The following WDSUB1 variants were observed in gnomAD, a reference collection of about 807,000 sequenced individuals.
The protein encoded by WDSUB1 is WD repeat, sterile alpha motif and U-box domain containing 1.
Under a neutral mutation model 53.9 loss-of-function variants are expected in WDSUB1, and 49 were observed. The ratio of observed to expected loss-of-function variants is 0.91; its 90% CI spans 0.72 to 1.15. The LOEUF is 1.15. WDSUB1 is among the 50% of genes most tolerant of loss of function. The pLI is 0.00. For synonymous variants in WDSUB1, 194 were observed against 200.6 expected (o/e 0.97, Z 0.28); for missense variants, 514 against 562.0 (o/e 0.91, Z 0.86).
At chr2:159,257,387 C>CTT (rs11324351) in intron 8 of WDSUB1, among the ~76,000 whole-genome samples, 11,234 of 139,662 alleles carry the variant, frequency 0.08, 1,019 homozygotes, top group African/African-American at 0.21. Context: ...GATTTACTAA[C>CTT]TTTTTTTTTT....
At chr2:159,266,349 C>G (rs1048647470) in intron 5 of WDSUB1, among the ~76,000 whole-genome samples, 8 of 152,204 alleles carry the variant, frequency 5.3e-5, no homozygotes, top group Admixed American at 3.9e-4. Context: ...CCACAACGCC[C>G]GGCTAATTTT....
At chr2:159,245,249 G>A (rs543930080) in intron 10 of WDSUB1, among the ~76,000 whole-genome samples, 5 of 152,188 alleles carry the variant, frequency 3.3e-5, no homozygotes, top group African/African-American at 4.8e-5. Context: ...TAAAGCAGCC[G>A]GACACCGTGG....
Position 159,236,204 on chromosome 2 carries a change from AT to A in WDSUB1, c.1274-15del. 6.3e-7 allele frequency: 1 copy of A among 1,579,062 alleles called. No homozygotes were observed. Among genetic ancestry groups the A allele is most frequent in the Non-Finnish European group, 8.6e-7 (1 of 1,161,394 alleles). ...ATGAATAGCCATCTAAAAAAAAAAA[AT>A]CACACAAATTACATGATGTAGGAAA... On this transcript the variant is annotated splice_polypyrimidine_tract_variant and intron_variant, in intron 10 of 10. Coordinates refer to ENST00000359774, the MANE Select transcript of WDSUB1 (RefSeq NM_001128212.3).
intron 9 of WDSUB1, among the ~76,000 whole-genome samples, chr2:159,250,401 C>CAAAAAGAATTTTATAA (rs2060925274): frequency 1.3e-5 from 2 of 152,246 alleles, no homozygotes; most frequent in East Asian, 3.9e-4. Context: ...TAAAAAGATT[C>CAAAAAGAATTTTATAA]CCTCAAATTC....
At chr2:159,258,007 T>C (rs1267833182) in intron 6 of WDSUB1, 22 bp from the exon 7 acceptor site, 1 of 1,609,364 alleles carries the variant, frequency 6.2e-7, no homozygotes, top group African/African-American at 1.3e-5. Context: ...TAAAAACAGC[T>C]TTAAATTTAC....
At chr2:159,276,906 G>A (rs7574710) in intron 3 of WDSUB1, among the ~76,000 whole-genome samples, 53,504 of 152,020 alleles carry the variant, frequency 0.35, 12,406 homozygotes, top group Non-Finnish European at 0.54. Context: ...TTAGGAGGCC[G>A]AGGCAGGGGA....
At chr2:159,260,659 T>A (rs1159882890) in intron 5 of WDSUB1, among the ~76,000 whole-genome samples, 1 of 152,224 alleles carries the variant, frequency 6.6e-6, no homozygotes, top group Admixed American at 6.5e-5. Context: ...AGCAGACATC[T>A]GGGGTTATGC....
At chr2:159,256,044 C>T in intron 9 of WDSUB1, 152 bp downstream of exon 9, 2 of 646,032 alleles carry the variant, frequency 3.1e-6, no homozygotes, top group East Asian at 3.2e-5. Flanking sequence ...TGAAATTCCA[C>T]TTCACAGCTG....
chr2:159,267,167 G>T (rs1458709873), intron 5 of WDSUB1, among the ~76,000 whole-genome samples: 1 of 152,128 alleles, frequency 6.6e-6, no homozygotes, highest in Admixed American at 6.5e-5. Context: ...ATCTACTCAA[G>T]AATTTCCTGC....
chr2:159,285,099 A>T (rs1366214942), intron 1 of WDSUB1, among the ~76,000 whole-genome samples: 1 of 152,218 alleles, frequency 6.6e-6, no homozygotes, highest in African/African-American at 2.4e-5. Context: ...AGGAGTAGGT[A>T]CTTTGCCATC....
intron 9 of WDSUB1, among the ~76,000 whole-genome samples, 197 bp from the exon 10 acceptor site, chr2:159,248,709 G>A (rs1006040819): frequency 2.0e-5 from 3 of 152,154 alleles, no homozygotes; most frequent in African/African-American, 4.8e-5. Context: ...GGGCTCAAGT[G>A]ATCCTCCCAC....
chr2:159,272,768 C>T (rs1558870533), intron 4 of WDSUB1, among the ~76,000 whole-genome samples: 1 of 152,154 alleles, frequency 6.6e-6, no homozygotes. Context: ...TGGTAATTTA[C>T]ACATCTTGTA....
intron 5 of WDSUB1, among the ~76,000 whole-genome samples, chr2:159,271,344 C>T (rs192147588): frequency 2.0e-5 from 3 of 152,232 alleles, no homozygotes; most frequent in Admixed American, 2.0e-4. Flanking sequence ...TATAATGTAT[C>T]CATGCCATGG....
At chr2:159,238,689 A>G (rs2060554985) in intron 10 of WDSUB1, among the ~76,000 whole-genome samples, 1 of 152,200 alleles carries the variant, frequency 6.6e-6, no homozygotes, top group East Asian at 1.9e-4. Context: ...GGCCAACACT[A>G]CACATTCACT....
At chr2:159,240,688 AT>A (rs2060621527) in intron 10 of WDSUB1, among the ~76,000 whole-genome samples, 1 of 152,178 alleles carries the variant, frequency 6.6e-6, no homozygotes, top group African/African-American at 2.4e-5. Context: ...TATTTTATAA[AT>A]GAGGAAACTG....
intron 9 of WDSUB1, among the ~76,000 whole-genome samples, 195 bp downstream of exon 9, chr2:159,256,001 A>T (rs900155241): frequency 6.6e-6 from 1 of 152,236 alleles, no homozygotes; most frequent in Non-Finnish European, 1.5e-5. Context: ...TGAAAGATGC[A>T]TGTCATTAGG....
chr2:159,286,091 G>T (rs10173105), intron 1 of WDSUB1, among the ~76,000 whole-genome samples: 2 of 152,048 alleles, frequency 1.3e-5, no homozygotes, highest in Middle Eastern at 3.4e-3. Flanking sequence ...CTTGGGGTAG[G>T]GGGGGCGGTG....
intron 3 of WDSUB1, among the ~76,000 whole-genome samples, chr2:159,279,020 T>A (rs1177602063): frequency 6.6e-6 from 1 of 152,220 alleles, no homozygotes; most frequent in African/African-American, 2.4e-5. Flanking sequence ...ATAATTTTTA[T>A]TATCAATTAT....
At chr2:159,285,547 A>C (rs1297130771) in intron 1 of WDSUB1, among the ~76,000 whole-genome samples, 1 of 152,098 alleles carries the variant, frequency 6.6e-6, no homozygotes, top group Non-Finnish European at 1.5e-5. Flanking sequence ...CTCTCTAAAA[A>C]TAAAAATAAT....
Sources: allele counts gnomAD v4.1 joint callset (sites outside exome capture counted in the v4.1 genomes callset), GRCh38; gene constraint gnomAD v4.1.1; transcripts MANE v1.5; gene names NCBI Gene and HGNC (gene_info 2026-07-23, HGNC 2026-07-21).